The following TSPAN9 variants were observed in gnomAD, a reference collection of about 807,000 sequenced individuals.
The protein encoded by TSPAN9 is tetraspanin 9, also known as tetraspanin-9.
A neutral mutation model predicts 31.0 loss-of-function variants in TSPAN9; 16 were observed. The observed-to-expected ratio is 0.52, with a 90% CI of 0.35 to 0.78. The LOEUF (loss-of-function observed/expected upper bound fraction) is 0.78, where lower values mean the gene tolerates loss of function less well. Among genes scored for constraint, TSPAN9 ranks in the 30% least tolerant of loss-of-function variants. The pLI is 0.01. For synonymous variants in TSPAN9, 145 were observed against 121.6 expected (o/e 1.19, Z -1.27); for missense variants, 272 against 312.5 (o/e 0.87, Z 0.98).
At chr12:3,162,099 A>G (rs546958911) in intron 2 of TSPAN9, among the ~76,000 whole-genome samples, 10 of 152,244 alleles carry the variant, frequency 6.6e-5, no homozygotes, top group South Asian at 4.2e-4. Context: ...GAGTGAGTAC[A>G]TCCTCACTGT....
intron 2 of TSPAN9, among the ~76,000 whole-genome samples, chr12:3,198,806 A>ACCACCAGCACAGGTCAC (rs763751966): frequency 6.1e-5 from 2 of 32,564 alleles, no homozygotes; most frequent in African/African-American, 1.6e-4. Context: ...AGCACAGGTC[A>ACCACCAGCACAGGTCAC]CACCAGCACA....
chr12:3,226,788 A>T (rs1176602760), intron 3 of TSPAN9, among the ~76,000 whole-genome samples: 6,674 of 9,816 alleles, frequency 0.68, 2,333 homozygotes, highest in South Asian at 0.82. Flanking sequence ...ATATATATAT[A>T]TATATATTTT....
At position 3,284,305 on chromosome 12, in the gene TSPAN9, G is replaced by T. The variant is rs535260450; in HGVS notation, c.*1189G>T. The T allele has an allele frequency of 6.6e-6, 1 of 152,572 alleles. No homozygotes were observed. The highest frequency in any genetic ancestry group is 1.5e-5 in the Non-Finnish European group (1 of 68,050). 9.5% of individuals were successfully genotyped at this position (152,572 alleles called of 1,614,324 possible). A position where few individuals can be genotyped will look rare whatever the true frequency, so the allele number is the denominator to read the frequency against. On this transcript the variant is annotated 3_prime_UTR_variant, in exon 9 of 9. Coordinates refer to ENST00000011898, the MANE Select transcript of TSPAN9 (RefSeq NM_006675.5). Reference sequence around the variant, plus strand: ...CCTTAGGTTTTGCTGTGCTGGGACAGTGGCAGGGGACCCACAGGGGTGAGG... The same window carrying T: ...CCTTAGGTTTTGCTGTGCTGGGACATTGGCAGGGGACCCACAGGGGTGAGG...
intron 2 of TSPAN9, among the ~76,000 whole-genome samples, chr12:3,185,980 C>T (rs981531349): frequency 1.2e-4 from 18 of 150,156 alleles, no homozygotes; most frequent in Admixed American, 2.6e-4. Flanking sequence ...GCCTTAGCTC[C>T]GGCCCTCGGT....
chr12:3,151,929 A>G (rs534477256), intron 2 of TSPAN9, among the ~76,000 whole-genome samples: 1 of 152,226 alleles, frequency 6.6e-6, no homozygotes, highest in South Asian at 2.1e-4. Context: ...CCTCAAAAAA[A>G]ACAAAAAAAA....
chr12:3,212,642 C>T (rs148626147), intron 3 of TSPAN9, among the ~76,000 whole-genome samples: 1 of 152,298 alleles, frequency 6.6e-6, no homozygotes, highest in African/African-American at 2.4e-5. Flanking sequence ...TGCACACGCA[C>T]TGCAGACCTG....
rs912086308 is a variant in TSPAN9, at chr12:3,280,850, C to T, written c.433-348C>T. On this transcript the variant is annotated intron_variant, in intron 6 of 8. Coordinates refer to ENST00000011898, the MANE Select transcript of TSPAN9 (RefSeq NM_006675.5). The surrounding 1 kb of genome is among the most constrained non-coding windows in gnomAD (Gnocchi z 4.5). ...GTCCCAGATGCTCCCATTTTAAGCC[C>T]TGGGGAGGGGCCGGCAGGGGGTTGG... is the stretch of plus-strand genomic sequence containing the variant. Among the ~76,000 whole-genome samples the T allele has an allele frequency of 7.9e-5, 12 of 152,172 alleles. No individual in the cohort carries two copies. In the South Asian group the frequency reaches 1.9e-3, roughly 24 times the overall value.
At position 3,170,716 on chromosome 12, in the gene TSPAN9, A is replaced by G. The variant is rs925854994; in HGVS notation, c.-17-30461A>G. Among the ~76,000 whole-genome samples the G allele has an allele frequency of 6.6e-5, 10 of 152,086 alleles. No homozygotes were observed. Among genetic ancestry groups the G allele is most frequent in the Non-Finnish European group, 5.9e-5 (4 of 67,996 alleles). ...AGGCCTACCCAGCTGAAAACACTGC[A>G]GGAGAGTTGGGGAGGATGGCAGGAG... On this transcript the variant is annotated intron_variant, in intron 2 of 8. Transcript: ENST00000011898. This position sits in a 1 kb window ranked among gnomAD's most constrained non-coding sequence, Gnocchi z 4.4.
chr12:3,246,251 C>G (rs1210192609), intron 3 of TSPAN9, among the ~76,000 whole-genome samples: 1 of 151,962 alleles, frequency 6.6e-6, no homozygotes, highest in Non-Finnish European at 1.5e-5. Context: ...ACTGTGAGGA[C>G]AGCATCAAGG....
In TSPAN9 at chr12:3,280,488, G is replaced by T; in HGVS notation, c.432+5G>T. The T allele has an allele frequency of 6.2e-7, 1 of 1,610,286 alleles. No individual in the cohort carries two copies. ...TGGAACATCATCCAGGCTGAGGTGC[G>T]GGCTGGGCCGCCCTGGTGGGGCCAG... On this transcript the variant is annotated splice_donor_5th_base_variant and intron_variant, in intron 6 of 8. Transcript: ENST00000011898. The surrounding 1 kb of genome is among the most constrained non-coding windows in gnomAD (Gnocchi z 4.5).
intron 3 of TSPAN9, among the ~76,000 whole-genome samples, chr12:3,226,761 TA>T (rs2098387760): frequency 1.7e-3 from 3 of 1,784 alleles, no homozygotes; most frequent in East Asian, 0.014. Flanking sequence ...TATATATATA[TA>T]TATATATATA....
At chr12:3,282,076 C>T (rs1033914597) in intron 8 of TSPAN9, 3 of 664,734 alleles carry the variant, frequency 4.5e-6, no homozygotes, top group Admixed American at 4.2e-5. Context: ...TGGAGTCAAC[C>T]CCCGTGGGTT....
chr12:3,151,358 G>A (rs934848869), intron 2 of TSPAN9: 3 of 152,294 alleles, frequency 2.0e-5, no homozygotes, highest in Admixed American at 6.5e-5. Flanking sequence ...CGAAGCCCGT[G>A]GTGGGGTGGA....
intron 2 of TSPAN9, among the ~76,000 whole-genome samples, chr12:3,109,047 T>G (rs1012209229): frequency 6.6e-6 from 1 of 151,992 alleles, no homozygotes; most frequent in Non-Finnish European, 1.5e-5. Flanking sequence ...ACCATTCTCC[T>G]GTCTCAGCCT....
chr12:3,160,011 C>T (rs951351192), intron 2 of TSPAN9, among the ~76,000 whole-genome samples: 2 of 152,158 alleles, frequency 1.3e-5, no homozygotes, highest in African/African-American at 4.8e-5. Flanking sequence ...TAACCACTGC[C>T]ACAATTTATA....
chr12:3,241,899 C>T (rs1295651770), intron 3 of TSPAN9, among the ~76,000 whole-genome samples: 2 of 152,242 alleles, frequency 1.3e-5, no homozygotes, highest in Non-Finnish European at 2.9e-5. Flanking sequence ...CCCTCCCCAC[C>T]GTCTCTGCCA....
At chr12:3,207,458 G>T (rs1022957428) in intron 3 of TSPAN9, among the ~76,000 whole-genome samples, 1 of 151,962 alleles carries the variant, frequency 6.6e-6, no homozygotes, top group African/African-American at 2.4e-5. Flanking sequence ...GGGGGGTTGG[G>T]GTCTGATCCT....
chr12:3,211,592 C>A (rs1046845155), intron 3 of TSPAN9: 14 of 929,156 alleles, frequency 1.5e-5, no homozygotes, highest in Admixed American at 2.8e-5. Context: ...AAATTGCTGT[C>A]TTTTTTTTTT....
At chr12:3,274,197 G>A (rs765386239) in intron 3 of TSPAN9, among the ~76,000 whole-genome samples, 7 of 152,136 alleles carry the variant, frequency 4.6e-5, no homozygotes, top group East Asian at 1.9e-4. Flanking sequence ...AACCAAAAAC[G>A]TCCCCAGACA....
Sources: gnomAD v4.1 joint callset for allele counts (sites outside exome capture counted in the v4.1 genomes callset) on GRCh38, gnomAD v4.1.1 for gene constraint, Gnocchi (gnomAD v3.1) non-coding constraint, MANE v1.5 for transcripts, NCBI Gene and HGNC (gene_info 2026-07-23, HGNC 2026-07-21) for gene names.